Variants in ZNF407 observed in about 807,000 individuals in gnomAD.
The protein encoded by ZNF407 is zinc finger protein 407.
ZNF407 carries 17 observed loss-of-function variants against 131.2 expected under a neutral mutation model. The observed-to-expected ratio is 0.13, with a 90% CI of 0.09 to 0.19. The LOEUF (loss-of-function observed/expected upper bound fraction) is 0.19, where lower values mean the gene tolerates loss of function less well. Ranked by LOEUF, ZNF407 falls within the 10% of genes least tolerant of loss-of-function variation. The probability of loss-of-function intolerance (pLI) is 1.00; values close to 1 mark genes in which losing one functional copy is unlikely to be tolerated. For synonymous variants in ZNF407, 1,156 were observed against 1,062.0 expected, an observed-to-expected ratio of 1.09 and a Z score of -1.72; for missense variants, 2,681 against 2,830.6, an observed-to-expected ratio of 0.95 and a Z score of 1.20.
At chr18:74,819,222 C>T (rs1453399503) in intron 4 of ZNF407, among the ~76,000 whole-genome samples, 1 of 152,176 alleles carries the variant, frequency 6.6e-6, no homozygotes, top group East Asian at 1.9e-4. Context: ...AGTATTCACA[C>T]TATGTGTTTG....
chr18:74,936,550 T>C (rs1390283481), intron 8 of ZNF407, among the ~76,000 whole-genome samples: 2 of 152,206 alleles, frequency 1.3e-5, no homozygotes, highest in African/African-American at 4.8e-5. Context: ...ACCACCCAGC[T>C]GTGCCCACCT....
intron 3 of ZNF407, among the ~76,000 whole-genome samples, chr18:74,757,946 C>T (rs528854851): frequency 5.8e-4 from 89 of 152,144 alleles, no homozygotes; most frequent in African/African-American, 2.0e-3. Context: ...TGAATATAGC[C>T]GCTGCGGCTT....
At chr18:74,856,104 TA>T (rs1486282272) in intron 4 of ZNF407, among the ~76,000 whole-genome samples, 3 of 152,206 alleles carry the variant, frequency 2.0e-5, no homozygotes, top group African/African-American at 7.2e-5. Flanking sequence ...GAGAAGGAAA[TA>T]AAAGCAACCC....
chr18:74,984,105 A>ATTT, intron 8 of ZNF407, among the ~76,000 whole-genome samples: 1 of 152,344 alleles, frequency 6.6e-6, no homozygotes, highest in Admixed American at 6.5e-5. Flanking sequence ...GACTTTAGAA[A>ATTT]GGCTAGGGAT....
At chr18:75,036,262 T>C (rs1442407967) in intron 8 of ZNF407, among the ~76,000 whole-genome samples, 1 of 152,204 alleles carries the variant, frequency 6.6e-6, no homozygotes, top group African/African-American at 2.4e-5. Flanking sequence ...GTATAATTCT[T>C]TGATTTCATT....
At chr18:74,835,251 T>A (rs1038544572) in intron 4 of ZNF407, among the ~76,000 whole-genome samples, 2 of 152,166 alleles carry the variant, frequency 1.3e-5, no homozygotes, top group Non-Finnish European at 1.5e-5. Context: ...TGTGGGAGAC[T>A]CACATACCAG....
At chr18:74,952,214 G>A (rs964053943) in intron 8 of ZNF407, among the ~76,000 whole-genome samples, 20 of 152,326 alleles carry the variant, frequency 1.3e-4, no homozygotes, top group African/African-American at 4.8e-4. Flanking sequence ...TAACTTAGCA[G>A]TGAATTTCCT....
At chr18:74,816,518 T>G (rs183042972) in intron 4 of ZNF407, among the ~76,000 whole-genome samples, 1 of 152,348 alleles carries the variant, frequency 6.6e-6, no homozygotes, top group East Asian at 1.9e-4. Context: ...TGTTTATGGC[T>G]CTTAATCTTG....
chr18:74,876,658 A>G (rs1971160771), intron 4 of ZNF407, among the ~76,000 whole-genome samples: 1 of 152,112 alleles, frequency 6.6e-6, no homozygotes, highest in Non-Finnish European at 1.5e-5. Flanking sequence ...TATTTTTATC[A>G]AACGAACCTT....
At position 74,881,128 on chromosome 18, in the gene ZNF407, C is replaced by T. The variant is rs536218433; in HGVS notation, c.5128+9C>T. 1.7e-5 allele frequency: 26 copies of T among 1,563,470 alleles called. No homozygotes were observed. The highest frequency in any genetic ancestry group is 9.3e-5 in the Admixed American group (5 of 53,734). ...TCGCAGACAGCACACAGGTCAGTTC[C>T]GATGCTGCACTGGCCCCTTCTCTGC... On this transcript the variant is annotated intron_variant, in intron 6 of 8. Coordinates refer to ENST00000299687, the MANE Select transcript of ZNF407 (RefSeq NM_017757.3).
At chr18:74,774,722 C>T (rs563687767) in intron 3 of ZNF407, among the ~76,000 whole-genome samples, 135 of 152,256 alleles carry the variant, frequency 8.9e-4, no homozygotes, top group African/African-American at 3.0e-3. Context: ...GGAGACGTGA[C>T]GAAACACAGT....
intron 8 of ZNF407, among the ~76,000 whole-genome samples, chr18:74,923,249 T>G (rs907521116): frequency 2.9e-4 from 44 of 152,164 alleles, no homozygotes; most frequent in African/African-American, 1.1e-3. Flanking sequence ...AACCATGGAT[T>G]ATTATTTGTA....
At chr18:74,981,129 T>G (rs1972587847) in intron 8 of ZNF407, among the ~76,000 whole-genome samples, 1 of 152,226 alleles carries the variant, frequency 6.6e-6, no homozygotes, top group South Asian at 2.1e-4. Context: ...TCCATGGGGC[T>G]CTTGTCTCTG....
chr18:74,639,863 A>C (rs1026056174), intron 2 of ZNF407, among the ~76,000 whole-genome samples: 3 of 151,984 alleles, frequency 2.0e-5, no homozygotes, highest in Non-Finnish European at 4.4e-5. Context: ...ATTTCAACAA[A>C]GTATTCTTGG....
chr18:74,753,792 A>G (rs554673417), intron 3 of ZNF407, among the ~76,000 whole-genome samples: 3 of 152,284 alleles, frequency 2.0e-5, no homozygotes, highest in South Asian at 4.1e-4. Flanking sequence ...GATGTTCATC[A>G]GGGATATTGG....
intron 7 of ZNF407, among the ~76,000 whole-genome samples, chr18:74,915,610 G>C (rs576076686): frequency 2.8e-4 from 34 of 121,894 alleles, no homozygotes; most frequent in Admixed American, 8.3e-5. Flanking sequence ...GTGCAGCATT[G>C]GTTCGAATCG....
chr18:74,812,039 A>T (rs891712001), intron 4 of ZNF407, among the ~76,000 whole-genome samples: 19 of 151,926 alleles, frequency 1.3e-4, no homozygotes, highest in East Asian at 1.9e-4. Context: ...AAAATAAAAA[A>T]AAATAAATAA....
intron 4 of ZNF407, among the ~76,000 whole-genome samples, chr18:74,828,888 G>A (rs1243569580): frequency 1.3e-5 from 2 of 152,192 alleles, no homozygotes; most frequent in Non-Finnish European, 1.5e-5. Flanking sequence ...AATAGTAAAT[G>A]TAAATTCTCA....
chr18:74,999,349 A>T (rs1239648211), intron 8 of ZNF407, among the ~76,000 whole-genome samples: 13 of 57,916 alleles, frequency 2.2e-4, no homozygotes, highest in African/African-American at 5.4e-4. Context: ...AGAGTATAAT[A>T]AAAAAAAAAA....
Sources: gnomAD v4.1 joint callset for allele counts (sites outside exome capture counted in the v4.1 genomes callset) on GRCh38, gnomAD v4.1.1 for gene constraint, MANE v1.5 for transcripts, NCBI Gene and HGNC (gene_info 2026-07-23, HGNC 2026-07-21) for gene names.